Variants in PCLO observed in about 807,000 individuals in gnomAD.
The protein encoded by PCLO is piccolo presynaptic cytomatrix protein.
Under a neutral mutation model 427.5 loss-of-function variants are expected in PCLO, and 82 were observed. The ratio of observed to expected loss-of-function variants is 0.19; its 90% CI spans 0.16 to 0.23. The LOEUF (loss-of-function observed/expected upper bound fraction) is 0.23. Ranked by LOEUF, PCLO falls within the 10% of genes least tolerant of loss-of-function variation. The pLI is 1.00. For synonymous variants in PCLO, 2,357 were observed against 2,155.4 expected, an observed-to-expected ratio of 1.09 and a Z score of -2.59; for missense variants, 6,239 against 6,115.9, an observed-to-expected ratio of 1.02 and a Z score of -0.67.
At chr7:82,781,839 T>C (rs534629390) in intron 22 of PCLO, among the ~76,000 whole-genome samples, 2 of 152,198 alleles carry the variant, frequency 1.3e-5, no homozygotes, top group African/African-American at 2.4e-5. Context: ...CCCAAGAGGA[T>C]TGGGTTTGAG....
intron 11 of PCLO, among the ~76,000 whole-genome samples, chr7:82,846,847 C>A (rs1397903484): frequency 6.6e-6 from 1 of 152,046 alleles, no homozygotes; most frequent in Non-Finnish European, 1.5e-5. Flanking sequence ...AAGGTGAAAT[C>A]TTTATGAATT....
chr7:83,064,804 T>C (rs1273034812), intron 3 of PCLO, among the ~76,000 whole-genome samples: 1 of 152,024 alleles, frequency 6.6e-6, no homozygotes, highest in Non-Finnish European at 1.5e-5. Flanking sequence ...TAGTGGACAT[T>C]CATGCTCTCT....
chr7:83,012,621 G>GAAAA (rs537818971), intron 3 of PCLO, among the ~76,000 whole-genome samples: 1 of 66,738 alleles, frequency 1.5e-5, no homozygotes, highest in African/African-American at 5.8e-5. Context: ...CTGTCTCAAG[G>GAAAA]AAAAAAAAAA....
At chr7:83,122,674 A>G (rs931652026) in intron 3 of PCLO, among the ~76,000 whole-genome samples, 3 of 152,122 alleles carry the variant, frequency 2.0e-5, no homozygotes, top group African/African-American at 7.2e-5. Flanking sequence ...GGAAGGGCAT[A>G]CACATTGGAA....
intron 11 of PCLO, among the ~76,000 whole-genome samples, 151 bp from the exon 12 acceptor site, chr7:82,846,785 AAT>A (rs1429812326): frequency 6.6e-6 from 1 of 152,130 alleles, no homozygotes; most frequent in African/African-American, 2.4e-5. Context: ...ATCCTAACCC[AAT>A]ATATATTTGC....
At chr7:82,839,505 C>T (rs933872226) in intron 14 of PCLO, among the ~76,000 whole-genome samples, 1 of 152,020 alleles carries the variant, frequency 6.6e-6, no homozygotes, top group Non-Finnish European at 1.5e-5. Context: ...TCTATGCCAT[C>T]ATGCAGCAAC....
At chr7:83,067,443 A>C (rs752618512) in intron 3 of PCLO, among the ~76,000 whole-genome samples, 15 of 152,338 alleles carry the variant, frequency 9.8e-5, no homozygotes, top group Middle Eastern at 6.8e-3. Context: ...GTTTCAAAGC[A>C]GGGACTTTAC....
intron 3 of PCLO, among the ~76,000 whole-genome samples, chr7:83,090,507 C>CT (rs1354672515): frequency 6.6e-6 from 1 of 152,060 alleles, no homozygotes; most frequent in Non-Finnish European, 1.5e-5. Flanking sequence ...ATCAGGAGTC[C>CT]TAAATAATCT....
At chr7:83,097,049 T>G (rs1222750631) in intron 3 of PCLO, among the ~76,000 whole-genome samples, 1 of 32,902 alleles carries the variant, frequency 3.0e-5, no homozygotes, top group Non-Finnish European at 4.9e-5. Context: ...ATATATTATA[T>G]AAATATATTA....
chr7:82,954,076 A>T lies in PCLO; in HGVS notation c.6877T>A (p.Leu2293Ile). 1 of 1,613,846 alleles carries T rather than the reference A, an allele frequency of 6.2e-7. No individual in the cohort carries two copies. The highest frequency in any genetic ancestry group is 1.1e-5 in the South Asian group (1 of 91,058). ...GPVADTVSTD[L>I]LISEKDPVKK... The stretch of plus-strand genomic sequence containing the variant: ...ACTGGGTCCTTTTCAGATATAAGTA[A>T]GTCAGTAGAAACAGTGTCAGCAACT... The change falls in exon 5 of 25, where the codon TTA becomes ATA. Residue 2293 changes from leucine (L) to isoleucine (I), a missense_variant. This residue lies in a region of PCLO where 4,677 missense variants were observed against 4,468.4 expected (regional missense o/e 1.05). Transcript: ENST00000333891.
At position 83,134,244 on chromosome 7, in the gene PCLO, A is replaced by T. The variant is rs199845206; in HGVS notation, c.3300+6T>A. 3 of 731,038 alleles carry T rather than the reference A, an allele frequency of 4.1e-6. No individual in the cohort carries two copies. Among genetic ancestry groups the T allele is most frequent in the African/African-American group, 5.0e-5 (2 of 39,696 alleles). 45.3% of individuals were successfully genotyped at this position (731,038 alleles called of 1,614,324 possible). On this transcript the variant is annotated splice_donor_region_variant and intron_variant, in intron 3 of 24. Transcript: ENST00000333891. Reference sequence around the variant, plus strand: ...ATATATATATATATATATATATATAACTTACCTCAGTCAAATGTGGTGTAG... The same window carrying T: ...ATATATATATATATATATATATATATCTTACCTCAGTCAAATGTGGTGTAG...
chr7:82,926,303 A>G (rs1479281991), intron 6 of PCLO, among the ~76,000 whole-genome samples: 1 of 152,156 alleles, frequency 6.6e-6, no homozygotes, highest in Non-Finnish European at 1.5e-5. Flanking sequence ...TAAAAATTAT[A>G]GACATCTTTA....
At chr7:82,761,583 T>C (rs779943391) in intron 22 of PCLO, 90 bp from the exon 23 acceptor site, 2 of 893,668 alleles carry the variant, frequency 2.2e-6, no homozygotes, top group Non-Finnish European at 3.5e-6. Context: ...TCATTTACTC[T>C]TTATCAAGTG....
intron 3 of PCLO, among the ~76,000 whole-genome samples, chr7:83,040,082 A>T (rs192620386): frequency 6.6e-6 from 1 of 152,044 alleles, no homozygotes; most frequent in Non-Finnish European, 1.5e-5. Context: ...GGATTTTTCT[A>T]TATATAAGAT....
intron 13 of PCLO, among the ~76,000 whole-genome samples, chr7:82,843,437 A>G (rs1792417341): frequency 6.6e-6 from 1 of 152,110 alleles, no homozygotes; most frequent in Non-Finnish European, 1.5e-5. Context: ...AAAGGGTACA[A>G]ACTTCTCTTA....
At chr7:82,965,466 T>C (rs62458569) in intron 4 of PCLO, among the ~76,000 whole-genome samples, 11,572 of 152,110 alleles carry the variant, frequency 0.076, 534 homozygotes, top group East Asian at 0.13. Flanking sequence ...TTTATATCCA[T>C]AGTAGAGAAA....
At chr7:82,997,981 T>G (rs1224610054) in intron 3 of PCLO, among the ~76,000 whole-genome samples, 1 of 151,880 alleles carries the variant, frequency 6.6e-6, no homozygotes, top group African/African-American at 2.4e-5. Context: ...CTGAACAAAC[T>G]GAAAAACCAA....
chr7:83,008,688 A>G (rs1217324783), intron 3 of PCLO, among the ~76,000 whole-genome samples: 1 of 151,720 alleles, frequency 6.6e-6, no homozygotes, highest in Admixed American at 6.6e-5. Flanking sequence ...GGTAGGAAAG[A>G]CTAAAAATGT....
chr7:82,766,525 G>A (rs1189238794), intron 22 of PCLO, among the ~76,000 whole-genome samples: 2 of 152,068 alleles, frequency 1.3e-5, no homozygotes, highest in Non-Finnish European at 2.9e-5. Flanking sequence ...GAAGGAAAAA[G>A]AGGTTTCTAA....
Sources: gnomAD v4.1 joint callset for allele counts (sites outside exome capture counted in the v4.1 genomes callset) on GRCh38, gnomAD v4.1.1 for gene constraint, gnomAD v4.1.1 regional missense constraint, MANE v1.5 for transcripts, NCBI Gene and HGNC (gene_info 2026-07-23, HGNC 2026-07-21) for gene names.